HS6ST1: variants seen among roughly 807,000 people sequenced by gnomAD.
HS6ST1 encodes the protein heparan-sulfate 6-O-sulfotransferase 1.
In HS6ST1, 3 loss-of-function variants were observed where a neutral mutation model predicts 25.2. The observed-to-expected ratio is 0.12, with a 90% CI of 0.05 to 0.31. The LOEUF (loss-of-function observed/expected upper bound fraction) is 0.31. Among genes scored for constraint, HS6ST1 ranks in the 10% least tolerant of loss-of-function variants. HS6ST1 has a pLI of 1.00. For missense variants in HS6ST1, 310 were observed against 609.6 expected (o/e 0.51, Z 5.18); for synonymous variants, 204 against 275.1 (o/e 0.74, Z 2.56).
intron 1 of HS6ST1, among the ~76,000 whole-genome samples, chr2:128,304,434 C>A (rs1694177577): frequency 6.6e-6 from 1 of 152,234 alleles, no homozygotes; most frequent in Non-Finnish European, 1.5e-5. Context: ...GGACCAGGAC[C>A]ACTGCCTGGG....
Position 128,274,834 on chromosome 2 carries a change from C to T in HS6ST1, c.528-5964G>A, listed in dbSNP as rs189508069. 3.8e-3 allele frequency among the ~76,000 whole-genome samples: 578 copies of T among 151,980 alleles called. 7 individuals carry two copies. Among genetic ancestry groups the T allele is most frequent in the Admixed American group, 0.013 (203 of 15,238 alleles). On this transcript the variant is annotated intron_variant, in intron 1 of 1. Transcript: ENST00000259241. ...CTCTACTAAAAATACAAAAATTAGC[C>T]GGGAGTGGTGGCACATGTCTGTGTT...
chr2:128,283,063 C>T (rs1357788973), intron 1 of HS6ST1, among the ~76,000 whole-genome samples: 1 of 152,214 alleles, frequency 6.6e-6, no homozygotes, highest in Non-Finnish European at 1.5e-5. Context: ...AAACAGCTGT[C>T]CTATCAGATC....
rs1443366451 is a variant in HS6ST1 at position 128,268,404 on chromosome 2, C to A, written c.994G>T (p.Asp332Tyr). ...TRAGGVEVDE[D>Y]TIRRIEELND... ...AGCTCCTCGATGCGCCGGATGGTGT[C>A]TTCATCCACCTCCACGCCGCCCGCC... is the stretch of plus-strand genomic sequence containing the variant. Residue 332 changes from aspartate to tyrosine, a missense_variant, in exon 2 of 2, where the codon GAC (aspartate) becomes TAC (tyrosine). Physicochemically the swap from Asp to Tyr is radical, Grantham distance 160. Around this residue, in one of 5 missense-constraint regions of HS6ST1, gnomAD observed 140 missense variants for 176.5 expected, o/e 0.79. Coordinates refer to ENST00000259241, the MANE Select transcript of HS6ST1 (RefSeq NM_004807.3). 6.2e-7 allele frequency: 1 copy of A among 1,613,678 alleles called. No homozygotes were observed. Among genetic ancestry groups the A allele is most frequent in the African/African-American group, 1.3e-5 (1 of 75,070 alleles).
chr2:128,307,902 C>T (rs762875134), intron 1 of HS6ST1, among the ~76,000 whole-genome samples: 21 of 152,140 alleles, frequency 1.4e-4, no homozygotes, highest in African/African-American at 2.4e-5. Context: ...AATTGCTCCC[C>T]GCAGCTGCAT....
intron 1 of HS6ST1, among the ~76,000 whole-genome samples, chr2:128,292,795 G>A (rs1415701234): frequency 6.6e-6 from 1 of 152,132 alleles, no homozygotes; most frequent in Non-Finnish European, 1.5e-5. Context: ...AGAGGAACAA[G>A]GGCAGCAGGA....
At chr2:128,308,205 G>A in intron 1 of HS6ST1, among the ~76,000 whole-genome samples, 1 of 152,220 alleles carries the variant, frequency 6.6e-6, no homozygotes, top group East Asian at 1.9e-4. Context: ...CAGGGAGGCA[G>A]GGGTGGGGTG....
Position 128,310,928 on chromosome 2 carries a change from C to A in HS6ST1, c.527+7109G>T, listed in dbSNP as rs141620127. ...ATGCCGTCCCATCTCCACTGCCCCC[C>A]CTTGCTGTGAGTGGCGGGGTCTCGC... On this transcript the variant is annotated intron_variant, in intron 1 of 1. Transcript: ENST00000259241. 6.7e-3 allele frequency among the ~76,000 whole-genome samples: 1,027 copies of A among 152,288 alleles called. 6 individuals carry two copies. In the Middle Eastern group the frequency reaches 0.068, roughly 10 times the overall value.
chr2:128,299,297 A>G (rs951387790), intron 1 of HS6ST1, among the ~76,000 whole-genome samples: 11 of 152,252 alleles, frequency 7.2e-5, no homozygotes, highest in African/African-American at 2.4e-4. Flanking sequence ...AACTGAGGCC[A>G]CAGCTGCACC....
chr2:128,293,135 T>C (rs1693982455), intron 1 of HS6ST1, among the ~76,000 whole-genome samples: 1 of 152,158 alleles, frequency 6.6e-6, no homozygotes, highest in Non-Finnish European at 1.5e-5. Flanking sequence ...TTGCTCTGCA[T>C]GCAGTGGGGC....
intron 1 of HS6ST1, among the ~76,000 whole-genome samples, chr2:128,276,403 T>A (rs1693694806): frequency 6.6e-6 from 1 of 152,122 alleles, no homozygotes; most frequent in South Asian, 2.1e-4. Context: ...CCCAAAGTGT[T>A]GGGATGACAG....
chr2:128,292,743 C>T (rs1186154218), intron 1 of HS6ST1, among the ~76,000 whole-genome samples: 6 of 97,680 alleles, frequency 6.1e-5, no homozygotes, highest in South Asian at 3.6e-4. Context: ...GGGAATGGGG[C>T]GGAGGGGAGG....
chr2:128,274,963 CAAAAAAAAAAAAAA>C (rs56898137), intron 1 of HS6ST1, among the ~76,000 whole-genome samples: 3 of 51,216 alleles, frequency 5.9e-5, no homozygotes, highest in Non-Finnish European at 1.1e-4. Context: ...GACTCCGTCT[CAAAAAAAAAAAAAA>C]AAAAAAAAAA....
intron 1 of HS6ST1, among the ~76,000 whole-genome samples, chr2:128,303,033 C>T (rs1349577281): frequency 6.6e-6 from 1 of 152,230 alleles, no homozygotes; most frequent in African/African-American, 2.4e-5. Flanking sequence ...CTCTGGTCCC[C>T]CACAGTCTAA....
intron 1 of HS6ST1, among the ~76,000 whole-genome samples, chr2:128,298,523 T>C (rs1304921875): frequency 6.6e-6 from 1 of 152,212 alleles, no homozygotes; most frequent in Non-Finnish European, 1.5e-5. Flanking sequence ...GGATAAAATA[T>C]GGATGAACCT....
chr2:128,268,951 C>T lies in HS6ST1; in HGVS notation c.528-81G>A, dbSNP rs1693569629. ...CCAGGGCTGCTCTGAGTCAAAGTCC[C>T]CACTACAGGAGTTTGGGCTTCGCCT... On this transcript the variant is annotated intron_variant, in intron 1 of 1. Transcript: ENST00000259241. The T allele has an allele frequency of 1.6e-5, 19 of 1,204,634 alleles. No homozygotes were observed. The South Asian group carries it at 2.2e-4, about 14-fold the overall frequency. 74.6% of individuals were successfully genotyped at this position (1,204,634 alleles called of 1,614,324 possible).
chr2:128,312,120 C>T (rs907082000), intron 1 of HS6ST1, among the ~76,000 whole-genome samples: 1 of 152,248 alleles, frequency 6.6e-6, no homozygotes, highest in African/African-American at 2.4e-5. Context: ...GTCTCAGAAG[C>T]CCTAGTGTTC....
intron 1 of HS6ST1, among the ~76,000 whole-genome samples, chr2:128,298,905 A>G (rs1370070965): frequency 6.6e-6 from 1 of 152,244 alleles, no homozygotes; most frequent in Admixed American, 6.5e-5. Context: ...CAGGAGGGAA[A>G]GCAGCACGTC....
chr2:128,294,221 CG>C (rs1694002549), intron 1 of HS6ST1, among the ~76,000 whole-genome samples: 2 of 152,202 alleles, frequency 1.3e-5, no homozygotes, highest in Non-Finnish European at 2.9e-5. Context: ...GCCCTGTGCC[CG>C]GCCCTGGCAC....
chr2:128,281,680 T>C (rs1693788708), intron 1 of HS6ST1, among the ~76,000 whole-genome samples: 1 of 152,076 alleles, frequency 6.6e-6, no homozygotes, highest in Non-Finnish European at 1.5e-5. Context: ...AAATAAAAAA[T>C]AAACTGCTGC....
Sources: gnomAD v4.1 joint callset for allele counts (sites outside exome capture counted in the v4.1 genomes callset) on GRCh38, gnomAD v4.1.1 for gene constraint, gnomAD v4.1.1 regional missense constraint, MANE v1.5 for transcripts, NCBI Gene and HGNC (gene_info 2026-07-23, HGNC 2026-07-21) for gene names.